NUS1: variants seen among roughly 807,000 people sequenced by gnomAD.
NUS1 encodes the protein dehydrodolichyl diphosphate synthase complex subunit NUS1.
For synonymous variants in NUS1, 135 were observed against 155.2 expected (o/e 0.87, Z 0.97); for missense variants, 292 against 382.9 (o/e 0.76, Z 1.98).
intron 1 of NUS1, 94 bp downstream of exon 1, chr6:117,676,179 G>A: frequency 2.0e-6 from 3 of 1,531,872 alleles, no homozygotes; most frequent in Admixed American, 2.0e-5. Flanking sequence ...GAGTTGCCGC[G>A]GCCTCTCTGC....
At chr6:117,692,101 T>C (rs1773231316) in intron 1 of NUS1, among the ~76,000 whole-genome samples, 1 of 152,076 alleles carries the variant, frequency 6.6e-6, no homozygotes, top group African/African-American at 2.4e-5. Flanking sequence ...AAATTGAATC[T>C]TTGCTGGACA....
Position 117,691,570 on chromosome 6 carries a change from T to G in NUS1, c.416-1472T>G, listed in dbSNP as rs1031778607. ...TGCCATAGATATAGATATATATATATATATATATATATATATAGTTCAAAA... is the reference window on the plus strand; with the variant it reads ...TGCCATAGATATAGATATATATATAGATATATATATATATATAGTTCAAAA... On this transcript the variant is annotated intron_variant, in intron 1 of 4. Coordinates refer to ENST00000368494, the MANE Select transcript of NUS1 (RefSeq NM_138459.5). 1.4e-3 allele frequency among the ~76,000 whole-genome samples: 208 copies of G among 146,142 alleles called. 2 individuals carry two copies. The highest frequency in any genetic ancestry group is 2.2e-3 in the Non-Finnish European group (148 of 66,606).
At chr6:117,680,260 G>A (rs1459040582) in intron 1 of NUS1, among the ~76,000 whole-genome samples, 2 of 152,156 alleles carry the variant, frequency 1.3e-5, no homozygotes, top group African/African-American at 4.8e-5. Context: ...TGGCTGTTCT[G>A]TCTATATGAT....
chr6:117,695,006 G>A (rs1012099437), intron 3 of NUS1, among the ~76,000 whole-genome samples: 21 of 151,622 alleles, frequency 1.4e-4, no homozygotes, highest in Admixed American at 6.6e-5. Flanking sequence ...ACCAACCTGC[G>A]CAACATAGCA....
At chr6:117,695,224 AAAAG>A (rs1205241499) in intron 3 of NUS1, among the ~76,000 whole-genome samples, 1 of 151,656 alleles carries the variant, frequency 6.6e-6, no homozygotes, top group Non-Finnish European at 1.5e-5. Context: ...AAAAAAAAGA[AAAAG>A]AAATGCATTT....
At chr6:117,704,158 C>T (rs1773468587) in intron 4 of NUS1, among the ~76,000 whole-genome samples, 1 of 152,022 alleles carries the variant, frequency 6.6e-6, no homozygotes, top group Non-Finnish European at 1.5e-5. Context: ...TAAATGCCAG[C>T]ATAGGAATGT....
intron 1 of NUS1, among the ~76,000 whole-genome samples, chr6:117,687,636 T>C (rs57944904): frequency 0.045 from 6,836 of 152,084 alleles, 400 homozygotes; most frequent in East Asian, 0.27. Context: ...AGGATGGAGG[T>C]TGGAGTCACT....
At chr6:117,689,307 A>G (rs1293550639) in intron 1 of NUS1, among the ~76,000 whole-genome samples, 1 of 152,210 alleles carries the variant, frequency 6.6e-6, no homozygotes, top group Non-Finnish European at 1.5e-5. Context: ...TACCATTTTA[A>G]TCTGGAGGCT....
chr6:117,691,664 A>C (rs935490583), intron 1 of NUS1, among the ~76,000 whole-genome samples: 4 of 147,104 alleles, frequency 2.7e-5, no homozygotes, highest in Admixed American at 2.7e-4. Flanking sequence ...TATATTATAT[A>C]TATTTAATAT....
chr6:117,689,561 GT>G (rs554090531), intron 1 of NUS1, among the ~76,000 whole-genome samples: 4 of 149,026 alleles, frequency 2.7e-5, no homozygotes, highest in South Asian at 4.3e-4. Context: ...TTTGTTTTTT[GT>G]TTTTTTTTGT....
At chr6:117,700,858 A>G (rs1773395754) in intron 3 of NUS1, among the ~76,000 whole-genome samples, 1 of 152,200 alleles carries the variant, frequency 6.6e-6, no homozygotes, top group East Asian at 1.9e-4. Flanking sequence ...TGTCACAGAA[A>G]GACAAACATC....
intron 1 of NUS1, among the ~76,000 whole-genome samples, chr6:117,692,303 C>T (rs1773234303): frequency 6.6e-6 from 1 of 152,052 alleles, no homozygotes; most frequent in Admixed American, 6.5e-5. Context: ...ATTAAAAAGG[C>T]AATGGCTACT....
rs760932790 is a variant in NUS1, at chr6:117,703,731, T to G, written c.791+27T>G. ...TAAGTAATTAAAAGCGTACTGACTT[T>G]GTTTAGATTCAGCAAGTGTTTCTTG... On this transcript the variant is annotated intron_variant, in intron 4 of 4. Coordinates refer to ENST00000368494, the MANE Select transcript of NUS1 (RefSeq NM_138459.5). 5 of 1,504,962 alleles carry G rather than the reference T, an allele frequency of 3.3e-6. No homozygotes were observed. The African/African-American group carries it at 5.5e-5, about 17-fold the overall frequency. 93.2% of individuals were successfully genotyped at this position (1,504,962 alleles called of 1,614,324 possible).
chr6:117,700,186 A>G (rs538790210), intron 3 of NUS1, among the ~76,000 whole-genome samples: 1 of 152,290 alleles, frequency 6.6e-6, no homozygotes, highest in South Asian at 2.1e-4. Context: ...AAAGGAAACA[A>G]TCAGCAAAGT....
intron 4 of NUS1, among the ~76,000 whole-genome samples, chr6:117,704,306 G>GA (rs1485626882): frequency 6.6e-6 from 1 of 152,186 alleles, no homozygotes; most frequent in Admixed American, 6.5e-5. Context: ...AAAGACAAGT[G>GA]AAGAGGCCAT....
At chr6:117,683,751 A>T (rs1228368722) in intron 1 of NUS1, among the ~76,000 whole-genome samples, 12 of 152,230 alleles carry the variant, frequency 7.9e-5, no homozygotes, top group Non-Finnish European at 1.6e-4. Context: ...TTTCAGATTT[A>T]AAAGAGATAG....
chr6:117,676,061 T>G lies in NUS1; in HGVS notation c.391T>G (p.Tyr131Asp), dbSNP rs772160267. 6.4e-7 allele frequency: 1 copy of G among 1,550,688 alleles called. No homozygotes were observed. Among genetic ancestry groups the G allele is most frequent in the South Asian group, 1.2e-5 (1 of 84,026 alleles). The change falls in exon 1 of 5, where the codon TAC becomes GAC. Residue 131 changes from tyrosine to aspartate, a missense_variant. Transcript: ENST00000368494. ...GTGGTGTATGGCCGTGGGCATCTCC[T>G]ACATTAGCGTCTACGACCACCAAGG... ...VVWCMAVGISYISVYDHQGIF... is the reference protein window; with the variant it reads ...VVWCMAVGISDISVYDHQGIF...
intron 1 of NUS1, among the ~76,000 whole-genome samples, chr6:117,681,089 CT>C (rs1773054706): frequency 6.6e-6 from 1 of 152,082 alleles, no homozygotes; most frequent in Non-Finnish European, 1.5e-5. Context: ...GGCTGTATGC[CT>C]ACCAAGAGGC....
intron 1 of NUS1, among the ~76,000 whole-genome samples, chr6:117,688,294 G>C (rs1362028886): frequency 6.6e-6 from 1 of 152,134 alleles, no homozygotes; most frequent in Non-Finnish European, 1.5e-5. Context: ...GGACAGAAAG[G>C]AATATGGATA....
Sources: allele counts gnomAD v4.1 joint callset (sites outside exome capture counted in the v4.1 genomes callset), GRCh38; gene constraint gnomAD v4.1.1; transcripts MANE v1.5; gene names NCBI Gene and HGNC (gene_info 2026-07-23, HGNC 2026-07-21).